The following ATL1 variants were observed in gnomAD, a reference collection of about 807,000 sequenced individuals.
The protein encoded by ATL1 is atlastin GTPase 1, also known as atlastin-1.
A neutral mutation model predicts 75.5 loss-of-function variants in ATL1; 31 were observed. That is an observed-to-expected ratio of 0.41 (90% CI 0.31 to 0.55). The LOEUF (loss-of-function observed/expected upper bound fraction) is 0.55. Ranked by LOEUF, ATL1 falls within the 20% of genes least tolerant of loss-of-function variation. ATL1 has a pLI of 0.27. For synonymous variants in ATL1, 226 were observed against 233.3 expected (o/e 0.97, Z 0.28); for missense variants, 405 against 662.6 (o/e 0.61, Z 4.27).
Position 50,588,096 on chromosome 14 carries a change from TAA to T in ATL1, c.282+22_282+23del. The T allele has an allele frequency of 6.2e-7, 1 of 1,614,012 alleles. No homozygotes were observed. The highest frequency in any genetic ancestry group is 2.2e-5 in the East Asian group (1 of 44,888). On this transcript the variant is annotated intron_variant, in intron 2 of 13. Transcript: ENST00000358385. ...ACAACCAGGTATGCAGGAAGTACTT[TAA>T]AAAGTTTTCTTTCTTCTGTGCTTCT... is the stretch of plus-strand genomic sequence containing the variant.
At chr14:50,623,877 C>G (rs1440700848) in intron 11 of ATL1, among the ~76,000 whole-genome samples, 1 of 151,190 alleles carries the variant, frequency 6.6e-6, no homozygotes, top group East Asian at 1.9e-4. Context: ...ATGGTGAAAC[C>G]CTCTCTCTAC....
At chr14:50,614,644 A>T in intron 8 of ATL1, 133 bp downstream of exon 8, 1 of 1,036,600 alleles carries the variant, frequency 9.6e-7, no homozygotes, top group Non-Finnish European at 1.5e-6. Flanking sequence ...TTGTCAGGAG[A>T]ATAGGGCATC....
chr14:50,611,654 C>A (rs1317234627), intron 6 of ATL1, among the ~76,000 whole-genome samples: 1 of 152,088 alleles, frequency 6.6e-6, no homozygotes, highest in Non-Finnish European at 1.5e-5. Context: ...AAAGGGCCAA[C>A]AAACATATGA....
At chr14:50,620,501 T>A in intron 8 of ATL1, 98 bp from the exon 9 acceptor site, 1 of 1,287,564 alleles carries the variant, frequency 7.8e-7, no homozygotes, top group African/African-American at 1.5e-5. Context: ...GCATTATCAC[T>A]GGGGAGGAAA....
intron 5 of ATL1, among the ~76,000 whole-genome samples, chr14:50,594,540 C>T (rs2039194177): frequency 6.6e-6 from 1 of 152,122 alleles, no homozygotes; most frequent in Non-Finnish European, 1.5e-5. Flanking sequence ...AGGAAAACTA[C>T]AGAGCAATCA....
At chr14:50,546,623 G>T (rs770863957) in intron 1 of ATL1, among the ~76,000 whole-genome samples, 6 of 152,012 alleles carry the variant, frequency 3.9e-5, no homozygotes, top group Non-Finnish European at 8.8e-5. Flanking sequence ...TTTTTGTCTA[G>T]GTTTACTGAT....
intron 8 of ATL1, among the ~76,000 whole-genome samples, chr14:50,617,847 TCAACTAACATTAGCAAGAGCTCA>T (rs2039429490): frequency 6.6e-6 from 1 of 152,236 alleles, no homozygotes; most frequent in South Asian, 2.1e-4. Flanking sequence ...TTTACTGTGT[TCAACTAACATTAGCAAGAGCTCA>T]CCACCTACGT....
At chr14:50,611,378 G>T (rs1483170657) in intron 6 of ATL1, among the ~76,000 whole-genome samples, 3 of 151,982 alleles carry the variant, frequency 2.0e-5, no homozygotes, top group Non-Finnish European at 4.4e-5. Context: ...TATATAAATT[G>T]TCTTGTAATT....
intron 1 of ATL1, among the ~76,000 whole-genome samples, chr14:50,545,031 G>A (rs758021330): frequency 2.0e-5 from 3 of 151,668 alleles, no homozygotes; most frequent in South Asian, 2.1e-4. Flanking sequence ...GCTTGAACTC[G>A]GAAGGCCAGG....
chr14:50,599,203 T>C (rs2039248910), intron 6 of ATL1, among the ~76,000 whole-genome samples: 1 of 152,140 alleles, frequency 6.6e-6, no homozygotes, highest in Admixed American at 6.5e-5. Context: ...AAGCAGAACA[T>C]ACAGGAAACT....
intron 5 of ATL1, among the ~76,000 whole-genome samples, chr14:50,594,254 GGCGAGAACA>G (rs1049646377): frequency 2.6e-5 from 4 of 152,126 alleles, no homozygotes; most frequent in African/African-American, 9.7e-5. Flanking sequence ...CACTCACTAT[GGCGAGAACA>G]GCGAGAACAG....
At chr14:50,561,484 C>T (rs1270647087) in intron 1 of ATL1, among the ~76,000 whole-genome samples, 1 of 152,228 alleles carries the variant, frequency 6.6e-6, no homozygotes, top group South Asian at 2.1e-4. Flanking sequence ...TTCTGTTCCA[C>T]ATCTCAGTGA....
intron 7 of ATL1, among the ~76,000 whole-genome samples, chr14:50,613,880 G>A (rs1271749526): frequency 1.3e-5 from 2 of 152,136 alleles, no homozygotes; most frequent in African/African-American, 2.4e-5. Flanking sequence ...TATCAAATAT[G>A]TATTTACATA....
At chr14:50,606,829 C>T (rs1330362428) in intron 6 of ATL1, among the ~76,000 whole-genome samples, 2 of 152,022 alleles carry the variant, frequency 1.3e-5, no homozygotes, top group African/African-American at 2.4e-5. Context: ...GAAAGCAAAG[C>T]AAGCAGCAAA....
Position 50,626,732 on chromosome 14 carries a change from T to C in ATL1, c.1120-1299T>C, listed in dbSNP as rs76550079. ...CAGGGAAAGTGTGGTATTTATCACCTTAATATTTCTTTATGCTAGGAACAT... is the reference window on the plus strand; with the variant it reads ...CAGGGAAAGTGTGGTATTTATCACCCTAATATTTCTTTATGCTAGGAACAT... On this transcript the variant is annotated intron_variant, in intron 11 of 13. Transcript: ENST00000358385. Among the ~76,000 whole-genome samples the C allele has an allele frequency of 7.9e-3, 1,205 of 152,350 alleles. 9 individuals are homozygous for C. The highest frequency in any genetic ancestry group is 0.027 in the African/African-American group (1,125 of 41,578).
chr14:50,589,029 T>A (rs1284821951), intron 2 of ATL1, among the ~76,000 whole-genome samples: 2 of 152,088 alleles, frequency 1.3e-5, no homozygotes, highest in Admixed American at 6.5e-5. Context: ...AAAGAAAACA[T>A]ACCATAGATT....
upstream of ATL1, among the ~76,000 whole-genome samples, chr14:50,558,137 G>A (rs2038786366): frequency 1.3e-5 from 2 of 152,178 alleles, no homozygotes; most frequent in African/African-American, 2.4e-5. Context: ...GGCTGAGGTG[G>A]GCAGATCGCT....
intron 1 of ATL1, among the ~76,000 whole-genome samples, chr14:50,571,010 A>G (rs1184478568): frequency 2.6e-5 from 4 of 152,164 alleles, no homozygotes; most frequent in Non-Finnish European, 2.9e-5. Flanking sequence ...TTGCTTTTGA[A>G]TGTCCTAGTC....
intron 1 of ATL1, among the ~76,000 whole-genome samples, chr14:50,560,845 GC>G (rs2038834324): frequency 6.6e-6 from 1 of 152,220 alleles, no homozygotes; most frequent in African/African-American, 2.4e-5. Context: ...ACGGACGGTA[GC>G]AGACCGAGCA....
Sources: gnomAD v4.1 joint callset for allele counts (sites outside exome capture counted in the v4.1 genomes callset) on GRCh38, gnomAD v4.1.1 for gene constraint, MANE v1.5 for transcripts, NCBI Gene and HGNC (gene_info 2026-07-23, HGNC 2026-07-21) for gene names.